The following UNCX variants were observed in gnomAD, a reference collection of about 807,000 sequenced individuals.
UNCX encodes homeobox protein unc-4 homolog.
A neutral mutation model predicts 14.8 loss-of-function variants in UNCX; 4 were observed. The ratio of observed to expected loss-of-function variants is 0.27; its 90% CI spans 0.13 to 0.62. The LOEUF is 0.62. UNCX is among the 20% of genes least tolerant of loss of function. The pLI is 0.86. For synonymous variants in UNCX, 459 were observed against 395.8 expected, an observed-to-expected ratio of 1.16 and a Z score of -1.90; for missense variants, 749 against 786.8, an observed-to-expected ratio of 0.95 and a Z score of 0.58.
In UNCX at chr7:1,236,289, C is replaced by T. The variant is rs752538020; in HGVS notation, c.908C>T (p.Ala303Val). 2.2e-6 allele frequency: 3 copies of T among 1,371,674 alleles called. No individual in the cohort carries two copies. Among genetic ancestry groups the T allele is most frequent in the Admixed American group, 2.8e-5 (1 of 35,214 alleles). The allele number at this position is 1,371,674 out of a possible 1,614,324, so 85.0% of individuals were successfully genotyped here. ...AGPQPRPGRP[A>V]DKDAASCGPG... The stretch of plus-strand genomic sequence containing the variant: ...CCACAGCCGCGCCCAGGTCGCCCTG[C>T]GGACAAGGACGCGGCCTCGTGCGGG... Residue 303 changes from alanine to valine, a missense_variant, in exon 3 of 3, where the codon GCG (alanine) becomes GTG (valine). By Grantham distance (64) the Ala-to-Val change is moderately conservative (BLOSUM62 0). Around this residue, in one of 3 missense-constraint regions of UNCX, gnomAD observed 552 missense variants for 507.2 expected, o/e 1.09. Transcript: ENST00000316333. The surrounding 1 kb of genome is among the most constrained non-coding windows in gnomAD (Gnocchi z 6.9).
intron 2 of UNCX, among the ~76,000 whole-genome samples, chr7:1,234,645 C>A (rs1223156968): frequency 2.7e-5 from 4 of 147,428 alleles, no homozygotes; most frequent in African/African-American, 7.5e-5. Flanking sequence ...GAAATCCTTT[C>A]ATCCAATTTG....
In UNCX at chr7:1,232,962, G is replaced by C; in HGVS notation, c.-56G>C. ...GCGCCTCCCGCCGCTGGCCCGCCCCGGCCCCGGCCCGCGCCCCCGCGCCCC... is the reference window on the plus strand; with the variant it reads ...GCGCCTCCCGCCGCTGGCCCGCCCCCGCCCCGGCCCGCGCCCCCGCGCCCC... On this transcript the variant is annotated 5_prime_UTR_variant, in exon 1 of 3. Transcript: ENST00000316333. 3 of 890,280 alleles carry C rather than the reference G, an allele frequency of 3.4e-6. No homozygotes were observed. Among genetic ancestry groups the C allele is most frequent in the Non-Finnish European group, 4.0e-6 (3 of 742,582 alleles). The allele number at this position is 890,280 out of a possible 1,614,324, so 55.1% of individuals were successfully genotyped here. A position where few individuals can be genotyped will look rare whatever the true frequency, so the allele number is the denominator to read the frequency against.
Position 1,233,416 on chromosome 7 carries a change from C to CT in UNCX, c.275-104_275-103insT, listed in dbSNP as rs1554251735. On this transcript the variant is annotated intron_variant, in intron 1 of 2. Coordinates refer to ENST00000316333, the MANE Select transcript of UNCX (RefSeq NM_001080461.3). This position sits in a 1 kb window ranked among gnomAD's most constrained non-coding sequence, Gnocchi z 5.3. ...CGGCTCCTAGGCGGCCGTCTCTGCG[C>CT]CCCCCCCCCCGGATCCAGGCGGCCA... 926 of 839,582 alleles carry CT rather than the reference C, an allele frequency of 1.1e-3. 1 individual carries two copies. Among genetic ancestry groups the CT allele is most frequent in the Non-Finnish European group, 1.2e-3 (864 of 694,910 alleles). The allele number at this position is 839,582 out of a possible 1,614,324, so 52.0% of individuals were successfully genotyped here. A position where few individuals can be genotyped will look rare whatever the true frequency, so the allele number is the denominator to read the frequency against.
chr7:1,235,750 G>T (rs1011571250), intron 2 of UNCX, 82 bp from the exon 3 acceptor site: 40 of 1,313,538 alleles, frequency 3.0e-5, no homozygotes, highest in Admixed American at 2.0e-4. Context: ...AGGCCCCTCT[G>T]GGGGGAGCGG....
intron 2 of UNCX, among the ~76,000 whole-genome samples, chr7:1,235,299 C>T (rs1778717230): frequency 1.3e-5 from 2 of 152,254 alleles, no homozygotes; most frequent in African/African-American, 4.8e-5. Flanking sequence ...ACGAGAAGCA[C>T]CCATATTTCC....
chr7:1,236,410 G>T lies in UNCX; in HGVS notation c.1029G>T (p.Pro343=). The T allele has an allele frequency of 7.3e-7, 1 of 1,368,938 alleles. No individual in the cohort carries two copies. The highest frequency in any genetic ancestry group is 9.4e-7 in the Non-Finnish European group (1 of 1,058,628). The allele number at this position is 1,368,938 out of a possible 1,614,324, so 84.8% of individuals were successfully genotyped here. ...AGAGCCTCCTGTCCGACTCGCCGCC[G>T]CGCCGGAAAGCCGCTTCCAACGCCG... ...SVESLLSDSP[P]RRKAASNAAA... The change falls in exon 3 of 3, where the codon CCG becomes CCT. Residue 343 remains proline, a synonymous_variant. Transcript: ENST00000316333. The surrounding 1 kb of genome is among the most constrained non-coding windows in gnomAD (Gnocchi z 6.9).
At position 1,235,885 on chromosome 7, in the gene UNCX, G is replaced by A; in HGVS notation, c.504G>A (p.Lys168=). The change falls in exon 3 of 3, where the codon AAG becomes AAA. Residue 168 remains lysine (K), a synonymous_variant. Transcript: ENST00000316333. ...AKWRKKENTK[K]GPGRPAHNSH... ...GGAGGAAGAAGGAGAACACGAAAAA[G>A]GGCCCGGGGCGGCCGGCGCACAACT... The A allele has an allele frequency of 6.2e-7, 1 of 1,612,304 alleles. No individual in the cohort carries two copies. The highest frequency in any genetic ancestry group is 8.5e-7 in the Non-Finnish European group (1 of 1,179,690).
In UNCX at chr7:1,233,618, A is replaced by C; in HGVS notation, c.373A>C (p.Asn125His). The C allele has an allele frequency of 6.2e-7, 1 of 1,613,114 alleles. No homozygotes were observed. Among genetic ancestry groups the C allele is most frequent in the Non-Finnish European group, 8.5e-7 (1 of 1,179,854 alleles). The change falls in exon 2 of 3, where the codon AAC (asparagine) becomes CAC (histidine). Residue 125 changes from asparagine (N) to histidine (H), a missense_variant. This residue lies in a region of UNCX where 42 missense variants were observed against 112.9 expected (regional missense o/e 0.37). Transcript: ENST00000316333. This position sits in a 1 kb window ranked among gnomAD's most constrained non-coding sequence, Gnocchi z 5.3. ...WQLEELEKAF[N>H]ESHYPDVFMR... is the part of the protein sequence containing the mutation. The stretch of plus-strand genomic sequence containing the variant: ...GCTGGAGGAGCTGGAGAAGGCGTTC[A>C]ACGAGAGCCACTATCCCGACGTGTT...
At chr7:1,235,388 C>G (rs1778454506) in intron 2 of UNCX, among the ~76,000 whole-genome samples, 1 of 152,356 alleles carries the variant, frequency 6.6e-6, no homozygotes, top group East Asian at 1.9e-4. Flanking sequence ...GTGTGGAGGG[C>G]GGCTGTGGCT....
Position 1,236,026 on chromosome 7 carries a change from G to A in UNCX, c.645G>A (p.Gln215=), listed in dbSNP as rs892115904. The change falls in exon 3 of 3, where the codon CAG becomes CAA. Residue 215 remains glutamine, a synonymous_variant. Transcript: ENST00000316333. This position sits in a 1 kb window ranked among gnomAD's most constrained non-coding sequence, Gnocchi z 6.9. ...ACGAGAAGAAGCTGCTGAAGAGCCA[G>A]GGCCGCCACTTGCACTCGCCCGGCG... is the stretch of plus-strand genomic sequence containing the variant. ...RKHEKKLLKS[Q]GRHLHSPGGL... The A allele has an allele frequency of 2.5e-6, 4 of 1,606,056 alleles. No homozygotes were observed. Among genetic ancestry groups the A allele is most frequent in the African/African-American group, 2.7e-5 (2 of 74,818 alleles).
In UNCX at chr7:1,236,785, T is replaced by C. The variant is rs968243203; in HGVS notation, c.1404T>C (p.Ala468=). 773 of 985,730 alleles carry C rather than the reference T, an allele frequency of 7.8e-4. 1 individual carries two copies. The highest frequency in any genetic ancestry group is 1.0e-3 in the Admixed American group (16 of 15,950). The allele number at this position is 985,730 out of a possible 1,614,324, so 61.1% of individuals were successfully genotyped here. A position where few individuals can be genotyped will look rare whatever the true frequency, so the allele number is the denominator to read the frequency against. The change falls in exon 3 of 3, where the codon GCT becomes GCC. Residue 468 remains alanine (A), a synonymous_variant. Coordinates refer to ENST00000316333, the MANE Select transcript of UNCX (RefSeq NM_001080461.3). The surrounding 1 kb of genome is among the most constrained non-coding windows in gnomAD (Gnocchi z 6.9). ...TCCGGGACCTCGCCTCGGCAGCGGC[T>C]ACCGAGGGCGGCGGCGGGGACTGCG... The part of the protein sequence containing the change: ...APFRDLASAA[A]TEGGGGDCAD...
At position 1,233,261 on chromosome 7, in the gene UNCX, G is replaced by A. The variant is rs1263947149; in HGVS notation, c.244G>A (p.Gly82Ser). Residue 82 changes from glycine (G) to serine (S), a missense_variant, in exon 1 of 3, where the codon GGC becomes AGC. Gly to Ser is a moderately conservative substitution (Grantham distance 56, BLOSUM62 0). Transcript: ENST00000316333. The surrounding 1 kb of genome is among the most constrained non-coding windows in gnomAD (Gnocchi z 5.3). ...TPLLPAACGVGGDGQPFKLSD... is the reference protein window; with the variant it reads ...TPLLPAACGVSGDGQPFKLSD... Reference sequence around the variant, plus strand: ...GCTGCTGCCAGCCGCCTGCGGGGTCGGCGGGGACGGCCAGCCCTTCAAGCT... The same window carrying A: ...GCTGCTGCCAGCCGCCTGCGGGGTCAGCGGGGACGGCCAGCCCTTCAAGCT... 25 of 1,348,086 alleles carry A rather than the reference G, an allele frequency of 1.9e-5. No individual in the cohort carries two copies. The highest frequency in any genetic ancestry group is 2.3e-5 in the Non-Finnish European group (24 of 1,057,412). The allele number at this position is 1,348,086 out of a possible 1,614,324, so 83.5% of individuals were successfully genotyped here.
intron 2 of UNCX, among the ~76,000 whole-genome samples, chr7:1,235,208 C>A (rs1294325778): frequency 6.6e-6 from 1 of 152,210 alleles, no homozygotes; most frequent in Non-Finnish European, 1.5e-5. Context: ...CCAGGGTTTG[C>A]GGAAAGAAGG....
At position 1,236,006 on chromosome 7, in the gene UNCX, A is replaced by G. The variant is rs755971106; in HGVS notation, c.625A>G (p.Lys209Glu). The change falls in exon 3 of 3, where the codon AAG becomes GAG. Residue 209 changes from lysine (K) to glutamate (E), a missense_variant. This residue lies in a region of UNCX where 552 missense variants were observed against 507.2 expected (regional missense o/e 1.09). Coordinates refer to ENST00000316333, the MANE Select transcript of UNCX (RefSeq NM_001080461.3). This position sits in a 1 kb window ranked among gnomAD's most constrained non-coding sequence, Gnocchi z 6.9. ...KMEKKKRKHE[K>E]KLLKSQGRHL... is the part of the protein sequence containing the mutation. ...GGAGAAGAAGAAGCGCAAGCACGAG[A>G]AGAAGCTGCTGAAGAGCCAGGGCCG... The G allele has an allele frequency of 1.2e-6, 2 of 1,608,290 alleles. No homozygotes were observed. Among genetic ancestry groups the G allele is most frequent in the Middle Eastern group, 1.7e-4 (1 of 5,912 alleles).
chr7:1,233,048 C>T lies in UNCX; in HGVS notation c.31C>T (p.His11Tyr), dbSNP rs1778671353. 5 of 1,398,262 alleles carry T rather than the reference C, an allele frequency of 3.6e-6. No homozygotes were observed. The highest frequency in any genetic ancestry group is 4.7e-6 in the Non-Finnish European group (5 of 1,073,246). 86.6% of individuals were successfully genotyped at this position (1,398,262 alleles called of 1,614,324 possible). Residue 11 changes from histidine to tyrosine, a missense_variant, in exon 1 of 3, where the codon CAT (histidine) becomes TAT (tyrosine). His to Tyr is a moderately conservative substitution (Grantham distance 83). This residue lies in a region of UNCX where 155 missense variants were observed against 166.7 expected (regional missense o/e 0.93). Coordinates refer to ENST00000316333, the MANE Select transcript of UNCX (RefSeq NM_001080461.3). This position sits in a 1 kb window ranked among gnomAD's most constrained non-coding sequence, Gnocchi z 5.3. The part of the protein sequence containing the change: MMDGRLLEHP[H>Y]AQFGGSLGGV... ...GGACGGCCGCCTCCTGGAACACCCG[C>T]ATGCCCAGTTCGGGGGCTCGCTGGG...
rs565152572 is a variant in UNCX at position 1,235,662 on chromosome 7, G to C, written c.451-170G>C. On this transcript the variant is annotated intron_variant, in intron 2 of 2. Coordinates refer to ENST00000316333, the MANE Select transcript of UNCX (RefSeq NM_001080461.3). ...GAAAAGGCGCTCGCTGGAACCTGCA[G>C]CTCCAGTGGCAAAGCCCAGCTCAGG... Among the ~76,000 whole-genome samples, 83 of 152,370 alleles carry C rather than the reference G, an allele frequency of 5.4e-4. No individual in the cohort carries two copies. The South Asian group carries it at 9.9e-3, about 18-fold the overall frequency.
In UNCX at chr7:1,236,166, C is replaced by G. The variant is rs2128272824; in HGVS notation, c.785C>G (p.Ser262Trp). Residue 262 changes from serine to tryptophan, a missense_variant, in exon 3 of 3, where the codon TCG becomes TGG. Ser to Trp is a radical substitution (Grantham distance 177). Around this residue, in one of 3 missense-constraint regions of UNCX, gnomAD observed 552 missense variants for 507.2 expected, o/e 1.09. Coordinates refer to ENST00000316333, the MANE Select transcript of UNCX (RefSeq NM_001080461.3). This position sits in a 1 kb window ranked among gnomAD's most constrained non-coding sequence, Gnocchi z 6.9. The stretch of plus-strand genomic sequence containing the variant: ...GCCAAGGGCCCCGGAGCGCACGCCT[C>G]GGGCGCCGCGGGGACCGCGCCCGCC... ...PAAKGPGAHA[S>W]GAAGTAPAPP... 1 of 1,197,596 alleles carries G rather than the reference C, an allele frequency of 8.4e-7. No homozygotes were observed. The highest frequency in any genetic ancestry group is 1.0e-6 in the Non-Finnish European group (1 of 962,392). 74.2% of individuals were successfully genotyped at this position (1,197,596 alleles called of 1,614,324 possible). A position where few individuals can be genotyped will look rare whatever the true frequency, so the allele number is the denominator to read the frequency against.
chr7:1,235,828 C>T lies in UNCX; in HGVS notation c.451-4C>T, dbSNP rs762533013. ...GCTTCCTCTCCCCTATCCGGCTGCT[C>T]TAGGTCTGGTTCCAAAACCGCCGGG... On this transcript the variant is annotated splice_region_variant and splice_polypyrimidine_tract_variant and intron_variant, in intron 2 of 2. Coordinates refer to ENST00000316333, the MANE Select transcript of UNCX (RefSeq NM_001080461.3). The T allele has an allele frequency of 4.6e-5, 74 of 1,609,586 alleles. 2 individuals are homozygous for T. The South Asian group carries it at 6.7e-4, about 15-fold the overall frequency.
Position 1,233,744 on chromosome 7 carries a change from T to C in UNCX, c.450+49T>C, listed in dbSNP as rs1474770552. ...GATCTGCCATCCGGACCCCAGGCTCTGGGCGCGCCGGGACGCCTTTGTTCC... is the reference window on the plus strand; with the variant it reads ...GATCTGCCATCCGGACCCCAGGCTCCGGGCGCGCCGGGACGCCTTTGTTCC... On this transcript the variant is annotated intron_variant, in intron 2 of 2. Coordinates refer to ENST00000316333, the MANE Select transcript of UNCX (RefSeq NM_001080461.3). This position sits in a 1 kb window ranked among gnomAD's most constrained non-coding sequence, Gnocchi z 5.3. 1 of 1,554,454 alleles carries C rather than the reference T, an allele frequency of 6.4e-7. No homozygotes were observed. The highest frequency in any genetic ancestry group is 8.7e-7 in the Non-Finnish European group (1 of 1,147,470).
Sources: allele counts gnomAD v4.1 joint callset (sites outside exome capture counted in the v4.1 genomes callset), GRCh38; gene constraint gnomAD v4.1.1; regional missense constraint gnomAD v4.1.1; non-coding constraint Gnocchi (gnomAD v3.1); transcripts MANE v1.5; gene names NCBI Gene and HGNC (gene_info 2026-07-23, HGNC 2026-07-21).